CNTNAP2: variants seen among roughly 807,000 people sequenced by gnomAD.
CNTNAP2 encodes the protein contactin associated protein 2.
In CNTNAP2, 98 loss-of-function variants were observed where a neutral mutation model predicts 155.2. The ratio of observed to expected loss-of-function variants is 0.63; its 90% CI spans 0.54 to 0.75. CNTNAP2 has a LOEUF of 0.75. Among genes scored for constraint, CNTNAP2 ranks in the 30% least tolerant of loss-of-function variants. CNTNAP2 has a pLI of 0.00. For synonymous variants in CNTNAP2, 651 were observed against 631.2 expected (o/e 1.03, Z -0.47); for missense variants, 1,727 against 1,688.1 (o/e 1.02, Z -0.40).
intron 1 of CNTNAP2, among the ~76,000 whole-genome samples, chr7:146,390,858 A>G (rs1055570851): frequency 1.3e-5 from 2 of 148,928 alleles, no homozygotes; most frequent in Non-Finnish European, 3.0e-5. Flanking sequence ...CAAGGGGTCA[A>G]GAGATTGAGA....
intron 21 of CNTNAP2, among the ~76,000 whole-genome samples, chr7:148,326,518 G>C (rs1332136029): frequency 6.6e-6 from 1 of 152,096 alleles, no homozygotes; most frequent in East Asian, 1.9e-4. Context: ...TCCTAATCTA[G>C]TCTCTTCTTG....
chr7:147,955,437 G>A (rs1479217246), intron 14 of CNTNAP2, among the ~76,000 whole-genome samples: 4 of 152,144 alleles, frequency 2.6e-5, no homozygotes, highest in African/African-American at 7.2e-5. Context: ...GAGAAGAGTA[G>A]TGTTGTTCCA....
intron 8 of CNTNAP2, among the ~76,000 whole-genome samples, chr7:147,284,402 C>T (rs1477424014): frequency 6.6e-6 from 1 of 151,762 alleles, no homozygotes; most frequent in African/African-American, 2.4e-5. Context: ...TTTAGTATAT[C>T]ACACGGCTCT....
intron 20 of CNTNAP2, among the ~76,000 whole-genome samples, chr7:148,249,062 T>A (rs1428658833): frequency 6.6e-6 from 1 of 152,244 alleles, no homozygotes; most frequent in East Asian, 1.9e-4. Flanking sequence ...AAAATTGGAT[T>A]GTTTGCCTTA....
chr7:147,681,825 G>A (rs151296362), intron 13 of CNTNAP2, among the ~76,000 whole-genome samples: 2,486 of 151,866 alleles, frequency 0.016, 221 homozygotes, highest in Admixed American at 0.15. Context: ...CTACATTCAT[G>A]TAAATTTTAT....
intron 15 of CNTNAP2, among the ~76,000 whole-genome samples, chr7:148,003,722 A>G (rs1306783388): frequency 6.6e-6 from 1 of 152,216 alleles, no homozygotes; most frequent in African/African-American, 2.4e-5. Flanking sequence ...AAAACTTCAC[A>G]ATTTGTTAAG....
rs559332438 is a variant in CNTNAP2 at position 147,636,522 on chromosome 7, C to A, written c.1898-2584C>A. On this transcript the variant is annotated intron_variant, in intron 12 of 23. Transcript: ENST00000361727. ...ACATGTGCCATGGTGGTTTGCCGCA[C>A]CTATCAACCTGTCATCTAGGTTCTA... 1.9e-3 allele frequency among the ~76,000 whole-genome samples: 289 copies of A among 152,184 alleles called. 1 individual carries two copies. Among genetic ancestry groups the A allele is most frequent in the African/African-American group, 6.4e-3 (266 of 41,506 alleles).
At chr7:148,368,949 G>A (rs1034288697) in intron 21 of CNTNAP2, among the ~76,000 whole-genome samples, 4 of 152,042 alleles carry the variant, frequency 2.6e-5, no homozygotes, top group Admixed American at 6.6e-5. Context: ...GCCTGGTTTC[G>A]GGTCTGGTTC....
At chr7:147,213,258 C>T (rs752210757) in intron 8 of CNTNAP2, among the ~76,000 whole-genome samples, 2 of 152,132 alleles carry the variant, frequency 1.3e-5, no homozygotes, top group Non-Finnish European at 2.9e-5. Flanking sequence ...ACCCTCTCTT[C>T]GTCTCTTTGT....
intron 3 of CNTNAP2, among the ~76,000 whole-genome samples, chr7:146,886,703 A>G (rs971111105): frequency 2.6e-5 from 4 of 151,116 alleles, no homozygotes; most frequent in Non-Finnish European, 5.9e-5. Flanking sequence ...TAAAATCATC[A>G]GGAAATTTTC....
At chr7:146,813,746 G>A (rs2129194417) in intron 2 of CNTNAP2, among the ~76,000 whole-genome samples, 1 of 152,228 alleles carries the variant, frequency 6.6e-6, no homozygotes, top group Non-Finnish European at 1.5e-5. Flanking sequence ...GAATGATATG[G>A]TTTGGCTCTG....
intron 1 of CNTNAP2, among the ~76,000 whole-genome samples, chr7:146,619,063 A>T (rs1799275344): frequency 6.6e-6 from 1 of 151,490 alleles, no homozygotes. Flanking sequence ...GACAAGAGTG[A>T]GACTTCATCT....
intron 1 of CNTNAP2, among the ~76,000 whole-genome samples, chr7:146,355,217 CA>C (rs1202325034): frequency 1.3e-5 from 2 of 152,108 alleles, no homozygotes; most frequent in African/African-American, 4.8e-5. Flanking sequence ...TAAACTTTAA[CA>C]AGATGATAAT....
chr7:147,367,682 T>C (rs1442435138), intron 9 of CNTNAP2, among the ~76,000 whole-genome samples: 2 of 152,140 alleles, frequency 1.3e-5, no homozygotes, highest in African/African-American at 4.8e-5. Context: ...ATCACCTAAA[T>C]GAACCTAAGC....
intron 16 of CNTNAP2, among the ~76,000 whole-genome samples, chr7:148,137,398 G>A (rs772868052): frequency 5.9e-5 from 9 of 152,160 alleles, no homozygotes; most frequent in African/African-American, 9.7e-5. Flanking sequence ...AGTGGCTCAC[G>A]CCTGTAATCC....
At chr7:146,779,712 A>AT (rs1802449506) in intron 2 of CNTNAP2, among the ~76,000 whole-genome samples, 1 of 152,128 alleles carries the variant, frequency 6.6e-6, no homozygotes, top group African/African-American at 2.4e-5. Context: ...CCTCCTATGT[A>AT]TTTTCCCTGA....
intron 1 of CNTNAP2, among the ~76,000 whole-genome samples, chr7:146,291,021 C>T (rs1299753219): frequency 1.3e-5 from 2 of 152,132 alleles, no homozygotes; most frequent in African/African-American, 4.8e-5. Context: ...TTGCCAACTA[C>T]AAAATGTTCC....
intron 3 of CNTNAP2, among the ~76,000 whole-genome samples, chr7:146,977,080 C>T (rs958230205): frequency 1.3e-5 from 2 of 151,932 alleles, no homozygotes; most frequent in Non-Finnish European, 2.9e-5. Flanking sequence ...AGAACCCCAA[C>T]GTTATAACAA....
intron 1 of CNTNAP2, among the ~76,000 whole-genome samples, chr7:146,202,763 C>T (rs1798886298): frequency 6.6e-6 from 1 of 151,692 alleles, no homozygotes; most frequent in African/African-American, 2.4e-5. Flanking sequence ...TCATATAAAA[C>T]TGCATAAAAA....
Sources: gnomAD v4.1 joint callset for allele counts (sites outside exome capture counted in the v4.1 genomes callset) on GRCh38, gnomAD v4.1.1 for gene constraint, MANE v1.5 for transcripts, NCBI Gene and HGNC (gene_info 2026-07-23, HGNC 2026-07-21) for gene names.